Variants in KLK1 observed in about 807,000 individuals in gnomAD.
KLK1 encodes kallikrein 1.
A neutral mutation model predicts 23.3 loss-of-function variants in KLK1; 22 were observed. That is an observed-to-expected ratio of 0.95 (90% CI 0.68 to 1.35). The LOEUF (loss-of-function observed/expected upper bound fraction) is 1.35. Ranked by LOEUF, KLK1 falls within the 40% of genes most tolerant of loss-of-function variation. The pLI is 0.00. For synonymous variants in KLK1, 140 were observed against 135.8 expected, an observed-to-expected ratio of 1.03 and a Z score of -0.21; for missense variants, 301 against 338.9, an observed-to-expected ratio of 0.89 and a Z score of 0.88.
chr19:50,821,672 G>A lies in KLK1; in HGVS notation c.206+40C>T. ...CCACTGGCCTGTCAATCCTGTGGCAGCATAGATGCCCTCCTCCCAGACCCC... is the reference window on the plus strand; with the variant it reads ...CCACTGGCCTGTCAATCCTGTGGCAACATAGATGCCCTCCTCCCAGACCCC... On this transcript the variant is annotated intron_variant, in intron 2 of 4. Transcript: ENST00000301420. The surrounding 1 kb of genome is among the most constrained non-coding windows in gnomAD (Gnocchi z 5.6). 1 of 1,537,110 alleles carries A rather than the reference G, an allele frequency of 6.5e-7. No homozygotes were observed. The highest frequency in any genetic ancestry group is 8.8e-7 in the Non-Finnish European group (1 of 1,138,698).
rs370565781 is a variant in KLK1, at chr19:50,820,040, G to A, written c.497-5C>T. 9.8e-5 allele frequency: 158 copies of A among 1,613,864 alleles called. 1 individual carries two copies. Among genetic ancestry groups the A allele is most frequent in the Non-Finnish European group, 1.3e-4 (150 of 1,179,946 alleles). On this transcript the variant is annotated splice_polypyrimidine_tract_variant and splice_region_variant and intron_variant, in intron 3 of 4. Coordinates refer to ENST00000301420, the MANE Select transcript of KLK1 (RefSeq NM_002257.4). ...GGAGATCATCTGGAAATGAGACTAC[G>A]AACCCGGGAGAAAAAGGGCTGCAGC... is the stretch of plus-strand genomic sequence containing the variant.
At chr19:50,819,765 G>T (rs1378733433) in intron 4 of KLK1, 134 bp downstream of exon 4, 1 of 822,322 alleles carries the variant, frequency 1.2e-6, no homozygotes, top group East Asian at 2.5e-5. Flanking sequence ...GGGGAGCTGG[G>T]GCACTGATGG....
chr19:50,819,250 C>T lies in KLK1; in HGVS notation c.733G>A (p.Val245Ile), dbSNP rs576085704. Residue 245 changes from valine (V) to isoleucine (I), a missense_variant, in exon 5 of 5, where the codon GTC becomes ATC. By Grantham distance (29) the Val-to-Ile change is conservative. Transcript: ENST00000301420. The part of the protein sequence containing the change: ...CGTPNKPSVA[V>I]RVLSYVKWIE... ...CACTTCACATAAGACAGCACTCTGA[C>T]GGCGACAGAAGGCTTATTGGGGGTG... 42 of 1,614,158 alleles carry T rather than the reference C, an allele frequency of 2.6e-5. No individual in the cohort carries two copies. In the East Asian group the frequency reaches 3.6e-4, roughly 14 times the overall value.
Position 50,819,311 on chromosome 19 carries a change from G to A in KLK1, c.672C>T (p.Leu224=). ...SGGPLMCDGV[L]QGVTSWGYVP... ...CGTAGCCCCATGATGTGACACCTTG[G>A]AGCACACCATCACACATCAGCGGGC... The change falls in exon 5 of 5, where the codon CTC becomes CTT. Residue 224 remains leucine, a synonymous_variant. Coordinates refer to ENST00000301420, the MANE Select transcript of KLK1 (RefSeq NM_002257.4). 6.2e-7 allele frequency: 1 copy of A among 1,614,028 alleles called. No individual in the cohort carries two copies. Among genetic ancestry groups the A allele is most frequent in the Non-Finnish European group, 8.5e-7 (1 of 1,179,902 alleles).
In KLK1 at chr19:50,819,953, C is replaced by T. The variant is rs1348669815; in HGVS notation, c.579G>A (p.Val193=). Residue 193 remains valine, a synonymous_variant, in exon 4 of 5, where the codon GTG becomes GTA. Coordinates refer to ENST00000301420, the MANE Select transcript of KLK1 (RefSeq NM_002257.4). ...DECKKAHVQK[V]TDFMLCVGHL... ...GTCCGACACACAGCATGAAGTCTGT[C>T]ACCTTCTGGACGTGGGCTTTTTTGC... 6.2e-7 allele frequency: 1 copy of T among 1,614,136 alleles called. No individual in the cohort carries two copies. The highest frequency in any genetic ancestry group is 8.5e-7 in the Non-Finnish European group (1 of 1,179,952).
rs746900836 is a variant in KLK1 at position 50,819,325 on chromosome 19, A to G, written c.658T>C (p.Cys220Arg). Residue 220 changes from cysteine (C) to arginine (R), a missense_variant, in exon 5 of 5, where the codon TGT (cysteine) becomes CGT (arginine). Physicochemically the swap from Cys to Arg is radical, Grantham distance 180. Transcript: ENST00000301420. Reference sequence around the variant, plus strand: ...GTGACACCTTGGAGCACACCATCACACATCAGCGGGCCCCCTGAATCACCC... The same window carrying G: ...GTGACACCTTGGAGCACACCATCACGCATCAGCGGGCCCCCTGAATCACCC... ...CVGDSGGPLM[C>R]DGVLQGVTSW... 6.2e-7 allele frequency: 1 copy of G among 1,612,276 alleles called. No homozygotes were observed. The highest frequency in any genetic ancestry group is 2.2e-5 in the East Asian group (1 of 44,812).
Position 50,821,790 on chromosome 19 carries a change from T to C in KLK1, c.128A>G (p.Tyr43Cys). The C allele has an allele frequency of 6.2e-7, 1 of 1,613,920 alleles. No homozygotes were observed. The highest frequency in any genetic ancestry group is 8.5e-7 in the Non-Finnish European group (1 of 1,179,986). Residue 43 changes from tyrosine to cysteine, a missense_variant, in exon 2 of 5, where the codon TAC becomes TGC. Transcript: ENST00000301420. This position sits in a 1 kb window ranked among gnomAD's most constrained non-coding sequence, Gnocchi z 5.6. ...CCCACACTGGAAAGTGCTGAAATGG[T>C]ACAGAGCCGCCTGCCAGGGCTGGGA... ...QHSQPWQAAL[Y>C]HFSTFQCGGI...
In KLK1 at chr19:50,823,686, T is replaced by TC. The variant is rs1435800207; in HGVS notation, c.46+16dup. On this transcript the variant is annotated intron_variant, in intron 1 of 4. Transcript: ENST00000301420. ...ATCAGGGCCCGTTCCCCCTCCCACA[T>TC]CCCCCCACTGTCTCACCAGTCCCCC... 6.6e-7 allele frequency: 1 copy of TC among 1,506,458 alleles called. No individual in the cohort carries two copies. Among genetic ancestry groups the TC allele is most frequent in the Non-Finnish European group, 9.2e-7 (1 of 1,089,786 alleles). 93.3% of individuals were successfully genotyped at this position (1,506,458 alleles called of 1,614,324 possible).
At chr19:50,820,130 G>C in intron 3 of KLK1, 24 bp downstream of exon 3, 1 of 1,601,210 alleles carries the variant, frequency 6.2e-7, no homozygotes, top group Non-Finnish European at 8.5e-7. Context: ...CCCGCCTTGG[G>C]CTACACAGTC....
chr19:50,821,353 A>G lies in KLK1; in HGVS notation c.206+359T>C, dbSNP rs1166200069. Reference sequence around the variant, plus strand: ...GGAGCGGTGAGGTAGAGACCCAGAGAGAGAGAGATGGGTAGAGAGATGGAG... The same window carrying G: ...GGAGCGGTGAGGTAGAGACCCAGAGGGAGAGAGATGGGTAGAGAGATGGAG... On this transcript the variant is annotated intron_variant, in intron 2 of 4. Transcript: ENST00000301420. The surrounding 1 kb of genome is among the most constrained non-coding windows in gnomAD (Gnocchi z 5.6). Among the ~76,000 whole-genome samples the G allele has an allele frequency of 1.3e-5, 2 of 152,094 alleles. No homozygotes were observed. Among genetic ancestry groups the G allele is most frequent in the Non-Finnish European group, 2.9e-5 (2 of 68,004 alleles).
chr19:50,822,016 G>T (rs2089831495), intron 1 of KLK1, 145 bp from the exon 2 acceptor site: 1 of 1,431,154 alleles, frequency 7.0e-7, no homozygotes, highest in Non-Finnish European at 9.1e-7. Context: ...GGCAAGGGGT[G>T]TTGGGAAGGG....
rs569219987 is a variant in KLK1 at position 50,822,046 on chromosome 19, C to T, written c.47-175G>A. 85 of 1,378,880 alleles carry T rather than the reference C, an allele frequency of 6.2e-5. No homozygotes were observed. The South Asian group carries it at 1.4e-3, about 22-fold the overall frequency. The allele number at this position is 1,378,880 out of a possible 1,614,324, so 85.4% of individuals were successfully genotyped here. On this transcript the variant is annotated intron_variant, in intron 1 of 4. Transcript: ENST00000301420. ...GAAGGGGTGGGACTCTGGACTGTTCCCTGGGCTTTTGGAGTGGTGGCTGGA... is the reference window on the plus strand; with the variant it reads ...GAAGGGGTGGGACTCTGGACTGTTCTCTGGGCTTTTGGAGTGGTGGCTGGA...
Position 50,820,147 on chromosome 19 carries a change from C to A in KLK1, c.496+7G>T. 1 of 1,599,396 alleles carries A rather than the reference C, an allele frequency of 6.3e-7. No individual in the cohort carries two copies. Among genetic ancestry groups the A allele is most frequent in the South Asian group, 1.1e-5 (1 of 88,866 alleles). On this transcript the variant is annotated splice_region_variant and intron_variant, in intron 3 of 4. Transcript: ENST00000301420. Reference sequence around the variant, plus strand: ...CGCCTTGGGCTACACAGTCTGCCCCCACATACAATTCTCTGGTTCGATGCT... The same window carrying A: ...CGCCTTGGGCTACACAGTCTGCCCCAACATACAATTCTCTGGTTCGATGCT...
At chr19:50,822,339 G>A in intron 1 of KLK1, 2 of 988,978 alleles carry the variant, frequency 2.0e-6, no homozygotes, top group Non-Finnish European at 2.4e-6. Flanking sequence ...ACAGGACCTG[G>A]GTTGGGCTTT....
chr19:50,822,431 G>A (rs1327196446), intron 1 of KLK1: 2 of 985,650 alleles, frequency 2.0e-6, no homozygotes, highest in Non-Finnish European at 2.4e-6. Context: ...GTTTGGGGGT[G>A]ACTTGGGGTC....
intron 2 of KLK1, 53 bp from the exon 3 acceptor site, chr19:50,820,496 T>TG: frequency 8.7e-5 from 18 of 207,556 alleles, no homozygotes; most frequent in East Asian, 3.2e-4. Flanking sequence ...GAAAAGGGGA[T>TG]GGGGCAGGGG....
In KLK1 at chr19:50,821,799, G is replaced by C; in HGVS notation, c.119C>G (p.Ala40Gly). Residue 40 changes from alanine (A) to glycine (G), a missense_variant, in exon 2 of 5, where the codon GCG becomes GGG. Physicochemically the swap from Ala to Gly is moderately conservative, Grantham distance 60. Coordinates refer to ENST00000301420, the MANE Select transcript of KLK1 (RefSeq NM_002257.4). The surrounding 1 kb of genome is among the most constrained non-coding windows in gnomAD (Gnocchi z 5.6). ...ECEQHSQPWQ[A>G]ALYHFSTFQC... ...GAAAGTGCTGAAATGGTACAGAGCC[G>C]CCTGCCAGGGCTGGGAATGCTGCTC... 1 of 1,613,906 alleles carries C rather than the reference G, an allele frequency of 6.2e-7. No homozygotes were observed. Among genetic ancestry groups the C allele is most frequent in the South Asian group, 1.1e-5 (1 of 91,070 alleles).
chr19:50,822,209 G>T, intron 1 of KLK1: 1 of 1,047,006 alleles, frequency 9.6e-7, no homozygotes, highest in Non-Finnish European at 1.2e-6. Context: ...ATGGGAGGTG[G>T]TGGGTTAGGG....
rs2089826403 is a variant in KLK1 at position 50,821,192 on chromosome 19, AGGGATATCCTGT to A, written c.206+508_206+519del. ...CCTTCCCTGTGTCTCTCCAGAGTGG[AGGGATATCCTGT>A]GGGGCGGGGAGCTGGACAGAGGGAG... On this transcript the variant is annotated intron_variant, in intron 2 of 4. Transcript: ENST00000301420. The surrounding 1 kb of genome is among the most constrained non-coding windows in gnomAD (Gnocchi z 5.6). 6.6e-6 allele frequency among the ~76,000 whole-genome samples: 1 copy of A among 152,002 alleles called. No individual in the cohort carries two copies. Among genetic ancestry groups the A allele is most frequent in the African/African-American group, 2.4e-5 (1 of 41,402 alleles).
Sources: allele counts gnomAD v4.1 joint callset (sites outside exome capture counted in the v4.1 genomes callset), GRCh38; gene constraint gnomAD v4.1.1; non-coding constraint Gnocchi (gnomAD v3.1); transcripts MANE v1.5; gene names NCBI Gene and HGNC (gene_info 2026-07-23, HGNC 2026-07-21).